Variants in TENM3 observed in about 807,000 individuals in gnomAD.
The protein encoded by TENM3 is teneurin transmembrane protein 3.
TENM3 carries 63 observed loss-of-function variants against 255.1 expected under a neutral mutation model. The ratio of observed to expected loss-of-function variants is 0.25; its 90% CI spans 0.20 to 0.30. TENM3 has a LOEUF of 0.30. Ranked by LOEUF, TENM3 falls within the 10% of genes least tolerant of loss-of-function variation. The probability of loss-of-function intolerance (pLI) is 1.00; values close to 1 mark genes in which losing one functional copy is unlikely to be tolerated. For synonymous variants in TENM3, 1,306 were observed against 1,322.3 expected (o/e 0.99, Z 0.27); for missense variants, 2,929 against 3,461.1 (o/e 0.85, Z 3.86).
chr4:181,551,548 G>C, the TENM3 span, among the ~76,000 whole-genome samples: 2 of 152,132 alleles, frequency 1.3e-5, no homozygotes, highest in Middle Eastern at 3.4e-3. Flanking sequence ...ACTTTTCCTG[G>C]GGGAAAATAT....
At chr4:182,488,657 G>A (rs1038578546) in intron 3 of TENM3, among the ~76,000 whole-genome samples, 14 of 152,118 alleles carry the variant, frequency 9.2e-5, no homozygotes, top group Non-Finnish European at 1.3e-4. Flanking sequence ...TGAATACCAC[G>A]GAAAGAAGTC....
At chr4:182,537,704 A>C (rs745683539) in intron 3 of TENM3, among the ~76,000 whole-genome samples, 8 of 151,960 alleles carry the variant, frequency 5.3e-5, no homozygotes, top group Non-Finnish European at 1.0e-4. Context: ...CATTTTCCAC[A>C]TGTGTTTAAT....
intron 1 of TENM3, among the ~76,000 whole-genome samples, chr4:182,228,736 C>G (rs1450210366): frequency 6.6e-6 from 1 of 152,060 alleles, no homozygotes; most frequent in East Asian, 1.9e-4. Context: ...AACCATCAAG[C>G]TTTTGAGGGA....
At chr4:182,227,582 GCTA>G (rs1263130746) in intron 1 of TENM3, among the ~76,000 whole-genome samples, 2 of 151,358 alleles carry the variant, frequency 1.3e-5, no homozygotes, top group East Asian at 3.9e-4. Context: ...AATGAAACTA[GCTA>G]CTAAGAAGCC....
chr4:181,509,463 C>G, the TENM3 span, among the ~76,000 whole-genome samples: 1 of 151,982 alleles, frequency 6.6e-6, no homozygotes, highest in African/African-American at 2.4e-5. Flanking sequence ...TTCCTTCCAA[C>G]ACTGCTCGTT....
At chr4:181,645,615 CA>C in the TENM3 span, among the ~76,000 whole-genome samples, 1 of 152,018 alleles carries the variant, frequency 6.6e-6, no homozygotes, top group Non-Finnish European at 1.5e-5. Flanking sequence ...TGGAACCTCT[CA>C]AAAAAACCAC....
intron 1 of TENM3, among the ~76,000 whole-genome samples, chr4:182,170,901 A>G (rs1473229681): frequency 1.3e-5 from 2 of 152,182 alleles, no homozygotes; most frequent in Non-Finnish European, 2.9e-5. Context: ...CTTTTCAATT[A>G]AAACTATCTA....
chr4:182,172,265 G>A (rs902571344), intron 1 of TENM3, among the ~76,000 whole-genome samples: 3 of 152,186 alleles, frequency 2.0e-5, no homozygotes, highest in East Asian at 3.9e-4. Flanking sequence ...GACCTAGTAA[G>A]TGCACAGTCA....
intron 3 of TENM3, among the ~76,000 whole-genome samples, chr4:182,375,948 G>T (rs764423988): frequency 1.1e-4 from 17 of 152,090 alleles, no homozygotes; most frequent in Non-Finnish European, 2.4e-4. Flanking sequence ...CAGACCATTT[G>T]TGCACCCCTT....
At chr4:182,522,663 G>T (rs1484475023) in intron 3 of TENM3, among the ~76,000 whole-genome samples, 9 of 152,212 alleles carry the variant, frequency 5.9e-5, no homozygotes, top group African/African-American at 2.2e-4. Context: ...TACGTAGGTA[G>T]ACATCTGCCG....
At chr4:182,157,685 A>C (rs1013381032) in intron 1 of TENM3, among the ~76,000 whole-genome samples, 1 of 152,162 alleles carries the variant, frequency 6.6e-6, no homozygotes, top group African/African-American at 2.4e-5. Flanking sequence ...ACCAACACAG[A>C]CTTGTCAGCA....
chr4:181,833,197 T>G, the TENM3 span, among the ~76,000 whole-genome samples: 1 of 152,250 alleles, frequency 6.6e-6, no homozygotes, highest in Middle Eastern at 3.4e-3. Flanking sequence ...CAGGAGAGGC[T>G]ATCAGAGATC....
chr4:181,723,965 A>G, the TENM3 span, among the ~76,000 whole-genome samples: 20 of 152,288 alleles, frequency 1.3e-4, no homozygotes, highest in South Asian at 3.5e-3. Context: ...CCCTGGAGGT[A>G]TTTGTTTACA....
the TENM3 span, among the ~76,000 whole-genome samples, chr4:181,784,160 G>GT: frequency 0.27 from 39,767 of 147,900 alleles, 5,463 homozygotes; most frequent in East Asian, 0.42. Context: ...CGAGTCATCT[G>GT]TTTTTTTTTT....
At chr4:182,576,985 C>T (rs182414266) in intron 3 of TENM3, among the ~76,000 whole-genome samples, 31 of 152,310 alleles carry the variant, frequency 2.0e-4, no homozygotes, top group Admixed American at 1.2e-3. Flanking sequence ...TGCGAGTTCT[C>T]CTACCCTGTC....
chr4:181,859,265 A>T, the TENM3 span, among the ~76,000 whole-genome samples: 29,275 of 147,006 alleles, frequency 0.2, 3,620 homozygotes, highest in Non-Finnish European at 0.27. Flanking sequence ...AAAAAAAAAA[A>T]ATCCCTCATT....
At chr4:182,373,521 G>A (rs182784381) in intron 3 of TENM3, among the ~76,000 whole-genome samples, 52 of 152,252 alleles carry the variant, frequency 3.4e-4, no homozygotes, top group African/African-American at 1.0e-3. Flanking sequence ...GAGAAAGGAG[G>A]AGGTACTGGG....
chr4:182,484,805 ATTAAT>A (rs1252239075), intron 3 of TENM3, among the ~76,000 whole-genome samples: 1 of 152,134 alleles, frequency 6.6e-6, no homozygotes, highest in African/African-American at 2.4e-5. Flanking sequence ...CTATGTCTGA[ATTAAT>A]TTATTTATGG....
intron 3 of TENM3, among the ~76,000 whole-genome samples, chr4:182,535,621 G>A (rs951158991): frequency 1.3e-5 from 2 of 151,706 alleles, no homozygotes; most frequent in Admixed American, 6.6e-5. Flanking sequence ...TGCACCTGCC[G>A]TCCTACTACT....
Sources: gnomAD v4.1 joint callset for allele counts (sites outside exome capture counted in the v4.1 genomes callset) on GRCh38, gnomAD v4.1.1 for gene constraint, MANE v1.5 for transcripts, NCBI Gene and HGNC (gene_info 2026-07-23, HGNC 2026-07-21) for gene names.